Variants in PROSER1 observed in about 807,000 individuals in gnomAD.
PROSER1 encodes proline and serine rich 1, also known as proline and serine-rich protein 1.
Under a neutral mutation model 71.8 loss-of-function variants are expected in PROSER1, and 36 were observed. The observed-to-expected ratio is 0.50, with a 90% CI of 0.38 to 0.66. The LOEUF is 0.66. Ranked by LOEUF, PROSER1 falls within the 30% of genes least tolerant of loss-of-function variation. The pLI, the probability that PROSER1 is intolerant of heterozygous loss-of-function variation, is 0.00. For missense variants in PROSER1, 1,107 were observed against 1,135.0 expected (o/e 0.98, Z 0.35); for synonymous variants, 490 against 452.4 (o/e 1.08, Z -1.06).
chr13:39,030,967 T>A (rs1466573132), intron 3 of PROSER1, among the ~76,000 whole-genome samples: 1 of 152,154 alleles, frequency 6.6e-6, no homozygotes, highest in African/African-American at 2.4e-5. Flanking sequence ...GTAAATTGAT[T>A]CCACTGAAGA....
At chr13:39,031,828 T>C (rs1870859664) in intron 2 of PROSER1, 197 bp from the exon 3 acceptor site, 1 of 525,148 alleles carries the variant, frequency 1.9e-6, no homozygotes, top group South Asian at 3.2e-5. Flanking sequence ...TCAAATAAAA[T>C]GTAAAAATCA....
In PROSER1 at chr13:39,016,728, C is replaced by T. The variant is rs191079105; in HGVS notation, c.775+772G>A. 5.2e-4 allele frequency among the ~76,000 whole-genome samples: 78 copies of T among 149,854 alleles called. No homozygotes were observed. In the East Asian group the frequency reaches 0.014, roughly 26 times the overall value. ...AGAGGCAGGATAAGAAACTGGATGT[C>T]CTGACATTTCACTTAGTGTTCTTTA... On this transcript the variant is annotated intron_variant, in intron 10 of 12. Transcript: ENST00000352251.
chr13:39,024,707 C>T (rs912171278), intron 6 of PROSER1, 151 bp from the exon 7 acceptor site: 14 of 604,744 alleles, frequency 2.3e-5, no homozygotes, highest in Middle Eastern at 4.4e-4. Context: ...CACTGGCTGG[C>T]GGCATGACCC....
rs1281585243 is a variant in PROSER1 at position 39,010,085 on chromosome 13, T to A, written c.*1280A>T. 2 of 152,724 alleles carry A rather than the reference T, an allele frequency of 1.3e-5. No homozygotes were observed. The highest frequency in any genetic ancestry group is 2.1e-4 in the South Asian group (1 of 4,828). The allele number at this position is 152,724 out of a possible 1,614,324, so 9.5% of individuals were successfully genotyped here. On this transcript the variant is annotated 3_prime_UTR_variant, in exon 13 of 13. Transcript: ENST00000352251. The stretch of plus-strand genomic sequence containing the variant: ...ACTAAATTTGGATAAAAATGTTCAA[T>A]AATTAACTCTAGCACGTATACAAAA...
At chr13:39,025,860 A>G (rs1417004497) in intron 6 of PROSER1, among the ~76,000 whole-genome samples, 1 of 152,208 alleles carries the variant, frequency 6.6e-6, no homozygotes, top group African/African-American at 2.4e-5. Flanking sequence ...AGGTTTGAGG[A>G]ACATTAGATG....
chr13:39,013,752 T>C lies in PROSER1; in HGVS notation c.1500A>G (p.Leu500=), dbSNP rs3751377. 250,474 of 1,613,572 alleles carry C rather than the reference T, an allele frequency of 0.16. 20,787 individuals carry two copies. The highest frequency in any genetic ancestry group is 0.25 in the South Asian group (22,947 of 91,064). Residue 500 remains leucine (L), a synonymous_variant, in exon 11 of 13, where the codon CTA becomes CTG. Transcript: ENST00000352251. ...CAGAGTTCTGAAGAGTAAGAGAAGATAGTGAAGCCAGCCCACTTGTGACAG... is the reference window on the plus strand; with the variant it reads ...CAGAGTTCTGAAGAGTAAGAGAAGACAGTGAAGCCAGCCCACTTGTGACAG... ...SSAVTSGLAS[L]SSLTLQNSDS...
rs746249118 is a variant in PROSER1, at chr13:39,012,832, G to A, written c.2420C>T (p.Pro807Leu). 8.1e-6 allele frequency: 13 copies of A among 1,614,070 alleles called. No homozygotes were observed. The highest frequency in any genetic ancestry group is 2.2e-5 in the South Asian group (2 of 91,088). ...PSVTPALPSF[P>L]GLQAPSTVAA... Reference sequence around the variant, plus strand: ...GACTGTAGAGGGCGCCTGCAGCCCCGGGAATGAGGGAAGAGCAGGGGTAAC... The same window carrying A: ...GACTGTAGAGGGCGCCTGCAGCCCCAGGAATGAGGGAAGAGCAGGGGTAAC... Residue 807 changes from proline to leucine, a missense_variant, in exon 11 of 13, where the codon CCG (proline) becomes CTG (leucine). Transcript: ENST00000352251.
At chr13:39,018,506 A>ACACACACAC (rs1432167515) in intron 9 of PROSER1, among the ~76,000 whole-genome samples, 2 of 151,738 alleles carry the variant, frequency 1.3e-5, no homozygotes, top group African/African-American at 2.4e-5. Flanking sequence ...ACACACACAC[A>ACACACACAC]CACACACACA....
chr13:39,034,169 C>T lies in PROSER1; in HGVS notation c.73G>A (p.Ala25Thr). The T allele has an allele frequency of 2.5e-6, 4 of 1,584,482 alleles. No individual in the cohort carries two copies. Among genetic ancestry groups the T allele is most frequent in the East Asian group, 2.3e-5 (1 of 43,928 alleles). ...KAVLTEYKLK[A>T]IEYVHGYFSS... ...AAGTATCCATGCACATATTCAATTG[C>T]TTTTAATTTGTATTCTGTCAAAACA... The change falls in exon 2 of 13, where the codon GCA becomes ACA. Residue 25 changes from alanine (A) to threonine (T), a missense_variant. Coordinates refer to ENST00000352251, the MANE Select transcript of PROSER1 (RefSeq NM_025138.5).
intron 1 of PROSER1, among the ~76,000 whole-genome samples, chr13:39,035,024 A>G (rs1274225931): frequency 6.6e-6 from 1 of 152,212 alleles, no homozygotes; most frequent in Non-Finnish European, 1.5e-5. Context: ...TTAAGTCAGT[A>G]GCCACTAATC....
At chr13:39,021,804 C>T (rs1286645813) in intron 9 of PROSER1, among the ~76,000 whole-genome samples, 2 of 152,150 alleles carry the variant, frequency 1.3e-5, no homozygotes, top group African/African-American at 2.4e-5. Flanking sequence ...GATTTGGATG[C>T]CTCTCCTATG....
In PROSER1 at chr13:39,024,544, T is replaced by G. The variant is rs1337216347; in HGVS notation, c.493A>C (p.Lys165Gln). The G allele has an allele frequency of 1.9e-6, 3 of 1,588,408 alleles. No individual in the cohort carries two copies. The highest frequency in any genetic ancestry group is 2.7e-5 in the African/African-American group (2 of 72,914). Residue 165 changes from lysine to glutamine, a missense_variant, in exon 7 of 13, where the codon AAA becomes CAA. Coordinates refer to ENST00000352251, the MANE Select transcript of PROSER1 (RefSeq NM_025138.5). ...TTAGTACATTCTTCACCATCTTTTT[T>G]CAAAGGAGTTCCCTATTAAAAAAAA... The part of the protein sequence containing the change: ...INGIFPGTPL[K>Q]KDGEECTNEG...
chr13:39,036,407 C>G (rs1206386917), intron 1 of PROSER1, among the ~76,000 whole-genome samples: 1 of 152,072 alleles, frequency 6.6e-6, no homozygotes, highest in African/African-American at 2.4e-5. Context: ...AGTCAAGGGT[C>G]GTAAAGGTAT....
At chr13:39,019,362 AG>A (rs1476318243) in intron 9 of PROSER1, among the ~76,000 whole-genome samples, 78 of 146,812 alleles carry the variant, frequency 5.3e-4, no homozygotes, top group African/African-American at 1.5e-3. Flanking sequence ...AAAAAAAAAA[AG>A]AAAAATTAGC....
At position 39,010,261 on chromosome 13, in the gene PROSER1, T is replaced by G. The variant is rs1869579579; in HGVS notation, c.*1104A>C. Reference sequence around the variant, plus strand: ...GTTGAAGTAAAATACATTAGCAACATCTTCCGGACACCATCTTTATAAAAG... The same window carrying G: ...GTTGAAGTAAAATACATTAGCAACAGCTTCCGGACACCATCTTTATAAAAG... On this transcript the variant is annotated 3_prime_UTR_variant, in exon 13 of 13. Coordinates refer to ENST00000352251, the MANE Select transcript of PROSER1 (RefSeq NM_025138.5). 6.6e-6 allele frequency: 1 copy of G among 152,636 alleles called. No homozygotes were observed. Among genetic ancestry groups the G allele is most frequent in the Non-Finnish European group, 1.5e-5 (1 of 68,022 alleles). 9.5% of individuals were successfully genotyped at this position (152,636 alleles called of 1,614,324 possible). A position where few individuals can be genotyped will look rare whatever the true frequency, so the allele number is the denominator to read the frequency against.
intron 12 of PROSER1, 47 bp from the exon 13 acceptor site, chr13:39,011,534 C>G: frequency 6.3e-7 from 1 of 1,599,732 alleles, no homozygotes; most frequent in East Asian, 2.2e-5. Flanking sequence ...CAAGTTCATT[C>G]AAGCCTGCGC....
Position 39,013,956 on chromosome 13 carries a change from G to C in PROSER1, c.1296C>G (p.Leu432=), listed in dbSNP as rs192149562. ...GGGATGTTGGTGGTAAGGGCAAAGGGAGCCCTGCAAAAACTGATGACAATG... is the reference window on the plus strand; with the variant it reads ...GGGATGTTGGTGGTAAGGGCAAAGGCAGCCCTGCAAAAACTGATGACAATG... ...SASLSSVFAG[L]PLPLPPTSQG... is the part of the protein sequence containing the mutation. The change falls in exon 11 of 13, where the codon CTC becomes CTG. Residue 432 remains leucine (L), a synonymous_variant. Coordinates refer to ENST00000352251, the MANE Select transcript of PROSER1 (RefSeq NM_025138.5). 74 of 1,614,148 alleles carry C rather than the reference G, an allele frequency of 4.6e-5. No individual in the cohort carries two copies. In the Middle Eastern group the frequency reaches 5.0e-4, roughly 11 times the overall value.
At chr13:39,026,238 C>T (rs1183379912) in intron 6 of PROSER1, 39 bp downstream of exon 6, 5 of 1,267,956 alleles carry the variant, frequency 3.9e-6, no homozygotes, top group Non-Finnish European at 5.7e-6. Flanking sequence ...CATACTTAAC[C>T]ATGAGAAGTT....
intron 6 of PROSER1, among the ~76,000 whole-genome samples, chr13:39,025,523 C>T (rs1691449686): frequency 1.3e-5 from 2 of 152,164 alleles, no homozygotes; most frequent in Non-Finnish European, 2.9e-5. Flanking sequence ...TAGAAGCCAG[C>T]TGCCATGTCA....
Sources: allele counts gnomAD v4.1 joint callset (sites outside exome capture counted in the v4.1 genomes callset), GRCh38; gene constraint gnomAD v4.1.1; transcripts MANE v1.5; gene names NCBI Gene and HGNC (gene_info 2026-07-23, HGNC 2026-07-21).